The following BDKRB2 variants were observed in gnomAD, a reference collection of about 807,000 sequenced individuals.
BDKRB2 encodes the protein B2 bradykinin receptor.
Under a neutral mutation model 4.0 loss-of-function variants are expected in BDKRB2, and 6 were observed. That is an observed-to-expected ratio of 1.49 (90% CI 0.81 to 2.93). The LOEUF is 2.93. Among genes scored for constraint, BDKRB2 ranks in the 30% most tolerant of loss-of-function variants. BDKRB2 has a pLI of 0.00. For missense variants in BDKRB2, 478 were observed against 520.1 expected, an observed-to-expected ratio of 0.92 and a Z score of 0.79; for synonymous variants, 225 against 215.3, an observed-to-expected ratio of 1.05 and a Z score of -0.40.
chr14:96,225,695 G>A (rs137876125), intron 1 of BDKRB2, among the ~76,000 whole-genome samples: 7 of 152,234 alleles, frequency 4.6e-5, no homozygotes, highest in African/African-American at 7.2e-5. Context: ...TGCTCTCCCC[G>A]GCTCCTCTGG....
At position 96,242,399 on chromosome 14, in the gene BDKRB2, T is replaced by G. The variant is rs1885318264; in HGVS notation, c.*895T>G. On this transcript the variant is annotated 3_prime_UTR_variant, in exon 3 of 3. Coordinates refer to ENST00000554311, the MANE Select transcript of BDKRB2 (RefSeq NM_001379692.1). ...TGAGGGTTAAAGGCAGTAACAGGTA[T>G]AAAGTACTTAGAAAAGCAAAGGGTG... The G allele has an allele frequency of 1.3e-5, 2 of 152,210 alleles. No homozygotes were observed. The highest frequency in any genetic ancestry group is 4.8e-5 in the African/African-American group (2 of 41,454). 9.4% of individuals were successfully genotyped at this position (152,210 alleles called of 1,614,324 possible).
chr14:96,239,851 G>A (rs2139799274), intron 2 of BDKRB2: 7 of 985,492 alleles, frequency 7.1e-6, no homozygotes, highest in Admixed American at 6.1e-5. Context: ...TCAGTGCTTT[G>A]CTGATAGAAG....
At chr14:96,230,444 G>T (rs1334320745) in intron 1 of BDKRB2, among the ~76,000 whole-genome samples, 2 of 152,292 alleles carry the variant, frequency 1.3e-5, no homozygotes, top group South Asian at 2.1e-4. Flanking sequence ...GCCCAGGCTG[G>T]AGTGCAACGG....
intron 2 of BDKRB2, chr14:96,239,519 T>C: frequency 2.0e-6 from 2 of 985,418 alleles, no homozygotes; most frequent in Non-Finnish European, 2.4e-6. Context: ...GGGTTAAAGA[T>C]GAGGTCACCA....
chr14:96,223,315 C>A, intron 1 of BDKRB2: 3 of 1,057,554 alleles, frequency 2.8e-6, no homozygotes, highest in Non-Finnish European at 3.0e-6. Context: ...CTTGCTGTTC[C>A]GGCGCCCACC....
chr14:96,223,482 T>C (rs1890624710), intron 1 of BDKRB2: 1 of 624,772 alleles, frequency 1.6e-6, no homozygotes, highest in Admixed American at 2.4e-5. Flanking sequence ...ACTGTTTGAA[T>C]GTGCTGGTAA....
At position 96,229,972 on chromosome 14, in the gene BDKRB2, CA is replaced by C. The variant is rs535349072; in HGVS notation, c.-39-7085del. 8.6e-3 allele frequency among the ~76,000 whole-genome samples: 1,227 copies of C among 142,434 alleles called. 12 individuals are homozygous for C. Among genetic ancestry groups the C allele is most frequent in the African/African-American group, 0.025 (964 of 39,160 alleles). The allele number at this position is 142,434 out of a possible 152,430, so 93.4% of individuals were successfully genotyped here. On this transcript the variant is annotated intron_variant, in intron 1 of 2. Transcript: ENST00000554311. ...TGAAACCCTGTCTCTTCTAAAAATA[CA>C]AAAAAAAAAAATTAGCCAGGTGTGG...
intron 1 of BDKRB2, among the ~76,000 whole-genome samples, chr14:96,217,946 T>C (rs1890464925): frequency 6.6e-6 from 1 of 152,128 alleles, no homozygotes. Context: ...GGTGGTTTTG[T>C]ATGCAGAGTC....
intron 1 of BDKRB2, among the ~76,000 whole-genome samples, chr14:96,232,207 C>G (rs1890833618): frequency 6.6e-6 from 1 of 152,348 alleles, no homozygotes; most frequent in South Asian, 2.1e-4. Context: ...CACACACGGA[C>G]TCGTCTACTC....
rs1274601877 is a variant in BDKRB2 at position 96,240,384 on chromosome 14, C to A, written c.75-19C>A. On this transcript the variant is annotated intron_variant, in intron 2 of 2. Coordinates refer to ENST00000554311, the MANE Select transcript of BDKRB2 (RefSeq NM_001379692.1). ...TTGTGACCCTGAGGGGTAACAGCCT[C>A]TTTTCCACTTTCTTTCAGCGCCGAC... The A allele has an allele frequency of 2.1e-6, 3 of 1,426,012 alleles. No homozygotes were observed. The highest frequency in any genetic ancestry group is 2.8e-6 in the Non-Finnish European group (3 of 1,086,430). 88.3% of individuals were successfully genotyped at this position (1,426,012 alleles called of 1,614,324 possible).
Position 96,204,924 on chromosome 14 carries a change from G to A in BDKRB2, c.-75G>A, listed in dbSNP as rs1235771327. On this transcript the variant is annotated 5_prime_UTR_variant, in exon 1 of 3. Coordinates refer to ENST00000554311, the MANE Select transcript of BDKRB2 (RefSeq NM_001379692.1). ...TCAGGCTGCCCCGCAGTACCAGGGA[G>A]CGACTGAAGTGCCCATGCCGCTTGC... 1.4e-5 allele frequency: 4 copies of A among 294,816 alleles called. No individual in the cohort carries two copies. The East Asian group carries it at 4.5e-4, about 33-fold the overall frequency. The allele number at this position is 294,816 out of a possible 1,614,324, so 18.3% of individuals were successfully genotyped here. A position where few individuals can be genotyped will look rare whatever the true frequency, so the allele number is the denominator to read the frequency against.
chr14:96,214,235 C>T (rs1890366961), intron 1 of BDKRB2, among the ~76,000 whole-genome samples: 1 of 152,162 alleles, frequency 6.6e-6, no homozygotes, highest in Non-Finnish European at 1.5e-5. Flanking sequence ...GTGGTCTGGG[C>T]CATATCTTCC....
chr14:96,205,491 T>TG (rs1229970680), intron 1 of BDKRB2, among the ~76,000 whole-genome samples: 17 of 61,898 alleles, frequency 2.7e-4, no homozygotes, highest in Non-Finnish European at 3.7e-4. Flanking sequence ...CAGGCGGGGG[T>TG]GGGGGGGTTT....
intron 1 of BDKRB2, among the ~76,000 whole-genome samples, chr14:96,235,939 G>A (rs185887447): frequency 2.4e-4 from 36 of 152,180 alleles, no homozygotes; most frequent in Non-Finnish European, 3.2e-4. Context: ...AGGGAAAGAG[G>A]GGGGATTAAG....
intron 1 of BDKRB2, among the ~76,000 whole-genome samples, chr14:96,216,865 A>G (rs1890441274): frequency 6.6e-6 from 1 of 152,094 alleles, no homozygotes; most frequent in Admixed American, 6.5e-5. Context: ...TGGGAAAATT[A>G]GGCCCACACA....
chr14:96,227,176 CT>C (rs1459966841), intron 1 of BDKRB2, among the ~76,000 whole-genome samples: 1 of 152,176 alleles, frequency 6.6e-6, no homozygotes, highest in Non-Finnish European at 1.5e-5. Context: ...TACCAGGAGT[CT>C]TTCCTCCAAT....
intron 1 of BDKRB2, among the ~76,000 whole-genome samples, chr14:96,224,383 G>A (rs1191459327): frequency 6.6e-6 from 1 of 152,186 alleles, no homozygotes; most frequent in African/African-American, 2.4e-5. Flanking sequence ...GCCTCTGTTT[G>A]CTCGTCTGCA....
At chr14:96,208,373 C>T (rs1265529816) in intron 1 of BDKRB2, among the ~76,000 whole-genome samples, 1 of 152,120 alleles carries the variant, frequency 6.6e-6, no homozygotes, top group Non-Finnish European at 1.5e-5. Context: ...CACACACATT[C>T]CAAAAAAGTC....
intron 1 of BDKRB2, among the ~76,000 whole-genome samples, chr14:96,223,739 G>C (rs1221758634): frequency 6.6e-6 from 1 of 151,976 alleles, no homozygotes; most frequent in African/African-American, 2.4e-5. Flanking sequence ...TTATGTTTCA[G>C]CGTACTGGAA....
Sources: gnomAD v4.1 joint callset for allele counts (sites outside exome capture counted in the v4.1 genomes callset) on GRCh38, gnomAD v4.1.1 for gene constraint, MANE v1.5 for transcripts, NCBI Gene and HGNC (gene_info 2026-07-23, HGNC 2026-07-21) for gene names.